Variants in GPC5 observed in about 807,000 individuals in gnomAD.
GPC5 encodes glypican 5.
GPC5 carries 47 observed loss-of-function variants against 53.9 expected under a neutral mutation model. The observed-to-expected ratio is 0.87, with a 90% CI of 0.69 to 1.11. The LOEUF (loss-of-function observed/expected upper bound fraction) is 1.11, where lower values mean the gene tolerates loss of function less well. GPC5 is among the 50% of genes most tolerant of loss of function. The probability of loss-of-function intolerance (pLI) is 0.00; values close to 1 mark genes in which losing one functional copy is unlikely to be tolerated. For missense variants in GPC5, 748 were observed against 713.1 expected (o/e 1.05, Z -0.56); for synonymous variants, 286 against 263.3 (o/e 1.09, Z -0.84).
At chr13:92,008,905 T>C (rs1331159330) in intron 6 of GPC5, among the ~76,000 whole-genome samples, 1 of 152,202 alleles carries the variant, frequency 6.6e-6, no homozygotes, top group African/African-American at 2.4e-5. Flanking sequence ...TTTCTATTGC[T>C]ATGTCTTCAA....
At chr13:91,673,345 A>G (rs537830857) in intron 2 of GPC5, among the ~76,000 whole-genome samples, 1 of 152,206 alleles carries the variant, frequency 6.6e-6, no homozygotes. Context: ...TATAACATTT[A>G]AAAAATTTAG....
intron 4 of GPC5, among the ~76,000 whole-genome samples, chr13:91,738,475 T>G (rs2036860960): frequency 6.6e-6 from 1 of 151,220 alleles, no homozygotes; most frequent in Non-Finnish European, 1.5e-5. Context: ...AATCAGTCTT[T>G]ATCATTGGAA....
At chr13:91,907,667 A>T (rs1361798960) in intron 5 of GPC5, among the ~76,000 whole-genome samples, 1 of 151,658 alleles carries the variant, frequency 6.6e-6, no homozygotes, top group Non-Finnish European at 1.5e-5. Flanking sequence ...TCTTTGTAGC[A>T]TATTGTTAAG....
intron 2 of GPC5, among the ~76,000 whole-genome samples, chr13:91,588,116 T>C (rs1417016685): frequency 6.6e-6 from 1 of 152,158 alleles, no homozygotes; most frequent in Non-Finnish European, 1.5e-5. Context: ...ACAGCACTGG[T>C]GTACTCTTCT....
At chr13:91,659,923 C>A (rs546035409) in intron 2 of GPC5, among the ~76,000 whole-genome samples, 1 of 152,176 alleles carries the variant, frequency 6.6e-6, no homozygotes, top group Non-Finnish European at 1.5e-5. Flanking sequence ...TTATTCAGAG[C>A]TTGCTACAGC....
chr13:92,694,821 G>C (rs9561113), intron 7 of GPC5, among the ~76,000 whole-genome samples: 18,549 of 152,138 alleles, frequency 0.12, 1,774 homozygotes, highest in East Asian at 0.4. Context: ...TCAGAGGGGG[G>C]CATGGGCAGA....
At chr13:92,054,834 C>CA (rs11451007) in intron 6 of GPC5, among the ~76,000 whole-genome samples, 80,307 of 151,956 alleles carry the variant, frequency 0.53, 21,768 homozygotes, top group East Asian at 0.79. Flanking sequence ...TTGAACTATA[C>CA]AAAATCCCCA....
At chr13:92,369,868 CT>C (rs1451087502) in intron 7 of GPC5, among the ~76,000 whole-genome samples, 2 of 152,180 alleles carry the variant, frequency 1.3e-5, no homozygotes, top group Non-Finnish European at 2.9e-5. Context: ...TTACTATCTA[CT>C]TTTAAATGTT....
intron 5 of GPC5, among the ~76,000 whole-genome samples, chr13:91,779,179 T>C (rs1245240730): frequency 6.6e-6 from 1 of 152,184 alleles, no homozygotes; most frequent in Non-Finnish European, 1.5e-5. Flanking sequence ...TTATAACAAA[T>C]TCTTTCTTCA....
chr13:92,177,714 T>C (rs2042118608), intron 7 of GPC5, among the ~76,000 whole-genome samples: 1 of 152,216 alleles, frequency 6.6e-6, no homozygotes, highest in Non-Finnish European at 1.5e-5. Context: ...GTGGTCTTCA[T>C]GTGACAACAC....
At chr13:92,380,631 G>A (rs2043730820) in intron 7 of GPC5, among the ~76,000 whole-genome samples, 1 of 151,812 alleles carries the variant, frequency 6.6e-6, no homozygotes, top group African/African-American at 2.4e-5. Flanking sequence ...CATGTCCTTT[G>A]TAGGGACGTG....
chr13:92,308,479 A>G (rs2043125642), intron 7 of GPC5, among the ~76,000 whole-genome samples: 2 of 152,198 alleles, frequency 1.3e-5, no homozygotes, highest in African/African-American at 4.8e-5. Context: ...CAGAACTCAA[A>G]ATACATAAGA....
At chr13:92,766,362 A>G (rs1206630238) in intron 7 of GPC5, among the ~76,000 whole-genome samples, 1 of 152,200 alleles carries the variant, frequency 6.6e-6, no homozygotes, top group African/African-American at 2.4e-5. Flanking sequence ...CAACATATAA[A>G]GTGAAAAATC....
intron 2 of GPC5, among the ~76,000 whole-genome samples, chr13:91,680,763 C>T (rs1385657223): frequency 6.6e-6 from 1 of 152,068 alleles, no homozygotes; most frequent in Non-Finnish European, 1.5e-5. Flanking sequence ...ATACCTTGAC[C>T]TAAACAAGAT....
intron 7 of GPC5, among the ~76,000 whole-genome samples, chr13:92,617,822 G>T (rs537494976): frequency 4.7e-4 from 71 of 152,106 alleles, no homozygotes; most frequent in Admixed American, 5.9e-4. Flanking sequence ...ATACTTACAG[G>T]ATTTTATTCT....
At chr13:91,842,478 G>A (rs1309204668) in intron 5 of GPC5, among the ~76,000 whole-genome samples, 14 of 149,286 alleles carry the variant, frequency 9.4e-5, no homozygotes, top group Admixed American at 3.4e-4. Context: ...CGAGACGGGC[G>A]GATCACGAGG....
At chr13:91,897,041 C>T (rs1249856835) in intron 5 of GPC5, among the ~76,000 whole-genome samples, 1 of 152,190 alleles carries the variant, frequency 6.6e-6, no homozygotes, top group East Asian at 1.9e-4. Flanking sequence ...TCCTCCTCTT[C>T]TTCCTCCCCC....
chr13:92,760,653 A>G (rs1875128952), intron 7 of GPC5, among the ~76,000 whole-genome samples: 1 of 146,808 alleles, frequency 6.8e-6, no homozygotes, highest in Non-Finnish European at 1.5e-5. Context: ...CATCTGTTTG[A>G]TTTACTTTTG....
chr13:92,444,773 G>T (rs868815221), intron 7 of GPC5, among the ~76,000 whole-genome samples: 1 of 109,076 alleles, frequency 9.2e-6, no homozygotes, highest in Admixed American at 8.9e-5. Context: ...GAGAAAGAAA[G>T]AAACCATTGA....
Sources: allele counts gnomAD v4.1 joint callset (sites outside exome capture counted in the v4.1 genomes callset), GRCh38; gene constraint gnomAD v4.1.1; transcripts MANE v1.5; gene names NCBI Gene and HGNC (gene_info 2026-07-23, HGNC 2026-07-21).